MAPKBP1: variants seen among roughly 807,000 people sequenced by gnomAD.
MAPKBP1 encodes the protein mitogen-activated protein kinase binding protein 1.
Under a neutral mutation model 170.5 loss-of-function variants are expected in MAPKBP1, and 71 were observed. The ratio of observed to expected loss-of-function variants is 0.42; its 90% CI spans 0.34 to 0.51. The LOEUF (loss-of-function observed/expected upper bound fraction) is 0.51. Ranked by LOEUF, MAPKBP1 falls within the 20% of genes least tolerant of loss-of-function variation. The probability of loss-of-function intolerance (pLI) is 0.06; values close to 1 mark genes in which losing one functional copy is unlikely to be tolerated. For synonymous variants in MAPKBP1, 719 were observed against 757.9 expected (o/e 0.95, Z 0.84); for missense variants, 1,598 against 1,933.0 (o/e 0.83, Z 3.25).
intron 3 of MAPKBP1, among the ~76,000 whole-genome samples, chr15:41,802,826 T>C (rs1272178908): frequency 2.0e-5 from 3 of 152,234 alleles, no homozygotes; most frequent in African/African-American, 7.2e-5. Context: ...TTTTTAACTT[T>C]TTAAACTTTT....
intron 24 of MAPKBP1, 45 bp from the exon 25 acceptor site, chr15:41,821,920 A>G (rs1567155497): frequency 6.3e-7 from 1 of 1,597,090 alleles, no homozygotes; most frequent in East Asian, 2.3e-5. Context: ...GCTGCTGCCT[A>G]CCCCTGCTCA....
intron 6 of MAPKBP1, 61 bp from the exon 7 acceptor site, chr15:41,812,455 G>A: frequency 6.2e-7 from 1 of 1,604,464 alleles, no homozygotes; most frequent in Non-Finnish European, 8.5e-7. Context: ...CATTCTCTGA[G>A]TCACTGTCTT....
intron 3 of MAPKBP1, among the ~76,000 whole-genome samples, chr15:41,809,114 G>A (rs1051094190): frequency 2.6e-5 from 4 of 151,808 alleles, no homozygotes; most frequent in Admixed American, 1.3e-4. Flanking sequence ...GAGCCAGGGT[G>A]GCATGAGCCT....
chr15:41,810,102 G>A (rs549795857), intron 3 of MAPKBP1, among the ~76,000 whole-genome samples: 166 of 152,300 alleles, frequency 1.1e-3, no homozygotes, highest in South Asian at 2.9e-3. Context: ...ACACGTGGGT[G>A]CACACGTGAG....
Position 41,820,844 on chromosome 15 carries a change from G to C in MAPKBP1, c.2494G>C (p.Val832Leu). ...HWEMSRAQESVGFLDPAPAAN... is the reference protein window; with the variant it reads ...HWEMSRAQESLGFLDPAPAAN... ...TACCTCCCACCAGGCACAGGAGTCCGTGGGGTTCCTGGACCCAGCTCCTGC... is the reference window on the plus strand; with the variant it reads ...TACCTCCCACCAGGCACAGGAGTCCCTGGGGTTCCTGGACCCAGCTCCTGC... Residue 832 changes from valine (V) to leucine (L), a missense_variant, in exon 23 of 31, where the codon GTG becomes CTG. Val to Leu is a conservative substitution (Grantham distance 32, BLOSUM62 1). This residue lies in a region of MAPKBP1 where 942 missense variants were observed against 953.2 expected (regional missense o/e 0.99). Coordinates refer to ENST00000457542, the MANE Select transcript of MAPKBP1 (RefSeq NM_014994.3). The C allele has an allele frequency of 6.2e-7, 1 of 1,613,674 alleles. No homozygotes were observed. Among genetic ancestry groups the C allele is most frequent in the Non-Finnish European group, 8.5e-7 (1 of 1,179,774 alleles).
chr15:41,815,685 C>A lies in MAPKBP1; in HGVS notation c.1379C>A (p.Pro460His), dbSNP rs977695206. 3 of 1,614,016 alleles carry A rather than the reference C, an allele frequency of 1.9e-6. No individual in the cohort carries two copies. Among genetic ancestry groups the A allele is most frequent in the Non-Finnish European group, 2.5e-6 (3 of 1,180,000 alleles). The change falls in exon 12 of 31, where the codon CCT becomes CAT. Residue 460 changes from proline to histidine, a missense_variant. Coordinates refer to ENST00000457542, the MANE Select transcript of MAPKBP1 (RefSeq NM_014994.3). ...CAGGCCCTGCTGGACACAGAGCTGC[C>A]TGGAGGAGACAAAGCTGATGCATCC... ...NTQALLDTEL[P>H]GGDKADASLL...
intron 30 of MAPKBP1, 34 bp from the exon 31 acceptor site, chr15:41,825,175 C>A: frequency 6.5e-7 from 1 of 1,530,526 alleles, no homozygotes; most frequent in Non-Finnish European, 8.9e-7. Flanking sequence ...TGTTGACAGG[C>A]TCCTCCACCT....
At position 41,808,384 on chromosome 15, in the gene MAPKBP1, C is replaced by T. The variant is rs1301681869; in HGVS notation, c.207-2499C>T. Among the ~76,000 whole-genome samples, 8 of 151,690 alleles carry T rather than the reference C, an allele frequency of 5.3e-5. No individual in the cohort carries two copies. In the East Asian group the frequency reaches 5.9e-4, roughly 11 times the overall value. On this transcript the variant is annotated intron_variant, in intron 3 of 30. Coordinates refer to ENST00000457542, the MANE Select transcript of MAPKBP1 (RefSeq NM_014994.3). ...CCTCCCAAAGTGCTGGGATTACAGG[C>T]GTGAGCCACCACTCCCGGCTCTGTT...
intron 26 of MAPKBP1, 24 bp from the exon 27 acceptor site, chr15:41,822,569 T>C: frequency 6.2e-7 from 1 of 1,613,288 alleles, no homozygotes; most frequent in Non-Finnish European, 8.5e-7. Flanking sequence ...TTGCCCCAAT[T>C]CATGATTTCT....
At position 41,811,893 on chromosome 15, in the gene MAPKBP1, C is replaced by T. The variant is rs113068424; in HGVS notation, c.328-64C>T. ...GAGGCGAGGGCCCCGCTCTGGAAGA[C>T]GAAGTGGGGCTGTATGCCTGTGGAG... On this transcript the variant is annotated intron_variant, in intron 5 of 30. Transcript: ENST00000457542. 2.5e-5 allele frequency: 39 copies of T among 1,568,036 alleles called. No individual in the cohort carries two copies. The South Asian group carries it at 3.3e-4, about 13-fold the overall frequency.
At chr15:41,822,522 T>C in intron 26 of MAPKBP1, 71 bp from the exon 27 acceptor site, 1 of 1,603,590 alleles carries the variant, frequency 6.2e-7, no homozygotes, top group Non-Finnish European at 8.5e-7. Context: ...TGGCTGGGGG[T>C]CTCAAGGAGG....
chr15:41,781,277 T>C (rs2152067342), intron 2 of MAPKBP1, among the ~76,000 whole-genome samples: 1 of 152,176 alleles, frequency 6.6e-6, no homozygotes, highest in African/African-American at 2.4e-5. Flanking sequence ...GATTTCAACA[T>C]GTTGGCCAGG....
chr15:41,818,081 T>G lies in MAPKBP1; in HGVS notation c.1977T>G (p.Ile659Met). The change falls in exon 17 of 31, where the codon ATT (isoleucine) becomes ATG (methionine). Residue 659 changes from isoleucine (I) to methionine (M), a missense_variant. Around this residue, in one of 6 missense-constraint regions of MAPKBP1, gnomAD observed 430 missense variants for 617.2 expected, o/e 0.70. Coordinates refer to ENST00000457542, the MANE Select transcript of MAPKBP1 (RefSeq NM_014994.3). The surrounding 1 kb of genome is among the most constrained non-coding windows in gnomAD (Gnocchi z 5.2). Reference sequence around the variant, plus strand: ...CACAGGGTGAGGACGGCACACTCATTAAGGTAAGGACCCAGAGGGGGTACT... The same window carrying G: ...CACAGGGTGAGGACGGCACACTCATGAAGGTAAGGACCCAGAGGGGGTACT... ...KGSQGEDGTL[I>M]KVQTDPSGIY... 1 of 1,614,000 alleles carries G rather than the reference T, an allele frequency of 6.2e-7. No homozygotes were observed. Among genetic ancestry groups the G allele is most frequent in the Non-Finnish European group, 8.5e-7 (1 of 1,179,928 alleles).
Position 41,815,425 on chromosome 15 carries a change from G to C in MAPKBP1, c.1317+20G>C, listed in dbSNP as rs1184744339. 1.2e-6 allele frequency: 2 copies of C among 1,612,736 alleles called. No individual in the cohort carries two copies. Among genetic ancestry groups the C allele is most frequent in the South Asian group, 2.2e-5 (2 of 91,010 alleles). ...AGCAGTGTGAGCCCTGAGGCTGTGG[G>C]GCCCCGCTTCACCCTCAGTGCCCCC... On this transcript the variant is annotated intron_variant, in intron 11 of 30. Coordinates refer to ENST00000457542, the MANE Select transcript of MAPKBP1 (RefSeq NM_014994.3).
At chr15:41,815,865 T>G (rs1042425821) in intron 12 of MAPKBP1, 66 bp downstream of exon 12, 1 of 1,516,434 alleles carries the variant, frequency 6.6e-7, no homozygotes, top group Non-Finnish European at 9.0e-7. Context: ...TTTAGAACTT[T>G]AGGGAGGGTT....
At chr15:41,805,847 A>C (rs2064680821) in intron 3 of MAPKBP1, among the ~76,000 whole-genome samples, 1 of 152,134 alleles carries the variant, frequency 6.6e-6, no homozygotes, top group South Asian at 2.1e-4. Context: ...GGTGCCCAGG[A>C]TCATGCAGTG....
At chr15:41,786,777 A>AAAAAAAAAAAAATAT in intron 2 of MAPKBP1, among the ~76,000 whole-genome samples, 9 of 32,468 alleles carry the variant, frequency 2.8e-4, no homozygotes, top group Non-Finnish European at 4.4e-4. Context: ...AAAAAAAAAA[A>AAAAAAAAAAAAATAT]ATATATATAT....
At chr15:41,784,194 A>G (rs1050501920) in intron 2 of MAPKBP1, among the ~76,000 whole-genome samples, 1 of 152,170 alleles carries the variant, frequency 6.6e-6, no homozygotes, top group Admixed American at 6.5e-5. Flanking sequence ...ATAACATAAT[A>G]ACCTGCTGCT....
intron 21 of MAPKBP1, 66 bp from the exon 22 acceptor site, chr15:41,819,529 G>A (rs751731539): frequency 5.9e-5 from 89 of 1,516,012 alleles, no homozygotes; most frequent in African/African-American, 3.1e-5. Flanking sequence ...ATGGGGCCAG[G>A]GCTCCAGGGT....
Sources: allele counts gnomAD v4.1 joint callset (sites outside exome capture counted in the v4.1 genomes callset), GRCh38; gene constraint gnomAD v4.1.1; regional missense constraint gnomAD v4.1.1; non-coding constraint Gnocchi (gnomAD v3.1); transcripts MANE v1.5; gene names NCBI Gene and HGNC (gene_info 2026-07-23, HGNC 2026-07-21).